PREP: variants seen among roughly 807,000 people sequenced by gnomAD.
PREP encodes the protein prolyl endopeptidase, also known as dJ355L5.1 (prolyl endopeptidase).
PREP carries 29 observed loss-of-function variants against 87.6 expected under a neutral mutation model. The observed-to-expected ratio is 0.33, with a 90% CI of 0.25 to 0.45. The LOEUF is 0.45. Ranked by LOEUF, PREP falls within the 20% of genes least tolerant of loss-of-function variation. The probability of loss-of-function intolerance (pLI) is 1.00; values close to 1 mark genes in which losing one functional copy is unlikely to be tolerated. For missense variants in PREP, 695 were observed against 886.5 expected, an observed-to-expected ratio of 0.78 and a Z score of 2.74; for synonymous variants, 337 against 328.6, an observed-to-expected ratio of 1.03 and a Z score of -0.28.
chr6:105,320,953 A>G (rs937742499), intron 10 of PREP, among the ~76,000 whole-genome samples: 9 of 152,200 alleles, frequency 5.9e-5, no homozygotes, highest in Non-Finnish European at 1.0e-4. Flanking sequence ...AAATGTGAGA[A>G]CATCTGTCAC....
intron 1 of PREP, among the ~76,000 whole-genome samples, chr6:105,402,545 C>A (rs559358603): frequency 1.3e-5 from 2 of 152,214 alleles, no homozygotes; most frequent in African/African-American, 4.8e-5. Flanking sequence ...TCTGTCTTCC[C>A]ACTCCCTGAA....
chr6:105,339,407 G>A (rs1050819311), intron 7 of PREP, among the ~76,000 whole-genome samples: 1 of 150,444 alleles, frequency 6.6e-6, no homozygotes, highest in African/African-American at 2.4e-5. Context: ...ACAAAAGGTA[G>A]ATAAAACCAC....
At position 105,281,748 on chromosome 6, in the gene PREP, G is replaced by T; in HGVS notation, c.1836C>A (p.Val612=). ...TATATATGTCAATAAAACCTTACTT[G>T]ACAAGCCATTCAAAGTGTTGTTTGC... The part of the protein sequence containing the change: ...SDSKQHFEWL[V]KYSPLHNVKL... Residue 612 remains valine, a splice_region_variant and synonymous_variant, in exon 14 of 15, where the codon GTC becomes GTA. Transcript: ENST00000652536. 1.2e-6 allele frequency: 2 copies of T among 1,612,862 alleles called. No individual in the cohort carries two copies. The highest frequency in any genetic ancestry group is 2.2e-5 in the South Asian group (2 of 90,642).
intron 10 of PREP, among the ~76,000 whole-genome samples, chr6:105,315,127 C>T (rs1770833318): frequency 2.0e-5 from 3 of 152,174 alleles, no homozygotes; most frequent in South Asian, 4.1e-4. Flanking sequence ...CTAGAGCACA[C>T]GCAGAGTGAA....
At position 105,278,136 on chromosome 6, in the gene PREP, A is replaced by T. The variant is rs1238775191; in HGVS notation, c.*8T>A. The T allele has an allele frequency of 6.2e-7, 1 of 1,600,690 alleles. No individual in the cohort carries two copies. The highest frequency in any genetic ancestry group is 1.7e-5 in the Admixed American group (1 of 59,796). Reference sequence around the variant, plus strand: ...TCTGTCGCTGTCAGGAGGAAGCACGAAAACTGTTTATGGAATCCAGTCGAC... The same window carrying T: ...TCTGTCGCTGTCAGGAGGAAGCACGTAAACTGTTTATGGAATCCAGTCGAC... On this transcript the variant is annotated 3_prime_UTR_variant, in exon 15 of 15. Transcript: ENST00000652536. The surrounding 1 kb of genome is among the most constrained non-coding windows in gnomAD (Gnocchi z 4.2).
intron 10 of PREP, among the ~76,000 whole-genome samples, chr6:105,306,771 C>CT (rs1413661686): frequency 6.6e-6 from 1 of 151,976 alleles, no homozygotes; most frequent in African/African-American, 2.4e-5. Context: ...CCACCACCCC[C>CT]TTCACAACTT....
Position 105,276,003 on chromosome 6 carries a change from G to A in PREP, c.*2141C>T, listed in dbSNP as rs1769923659. ...ATAATCTACTGTGCATTTCAAAATA[G>A]CTAGAAGAGAGTAATCATAAGAAAG... On this transcript the variant is annotated 3_prime_UTR_variant, in exon 15 of 15. Transcript: ENST00000652536. 6.6e-6 allele frequency among the ~76,000 whole-genome samples: 1 copy of A among 152,204 alleles called. No individual in the cohort carries two copies. Among genetic ancestry groups the A allele is most frequent in the African/African-American group, 2.4e-5 (1 of 41,436 alleles).
At chr6:105,328,185 T>C (rs925112380) in intron 9 of PREP, among the ~76,000 whole-genome samples, 10 of 152,312 alleles carry the variant, frequency 6.6e-5, no homozygotes, top group Admixed American at 6.5e-4. Context: ...AGCTAAAGAT[T>C]TTACATTTTG....
chr6:105,303,586 G>A lies in PREP; in HGVS notation c.1318-14692C>T, dbSNP rs187427702. Reference sequence around the variant, plus strand: ...CCTCCTCCTCCCTCCCCTATCCAATGCAGACACCCACAAAGCTACATCTCA... The same window carrying A: ...CCTCCTCCTCCCTCCCCTATCCAATACAGACACCCACAAAGCTACATCTCA... On this transcript the variant is annotated intron_variant, in intron 10 of 14. Coordinates refer to ENST00000652536, the MANE Select transcript of PREP (RefSeq NM_002726.5). Among the ~76,000 whole-genome samples, 184 of 151,834 alleles carry A rather than the reference G, an allele frequency of 1.2e-3. 1 individual carries two copies. The highest frequency in any genetic ancestry group is 4.3e-3 in the African/African-American group (180 of 41,392).
rs1029295306 is a variant in PREP, at chr6:105,373,539, C to A, written c.425G>T (p.Gly142Val). The A allele has an allele frequency of 6.2e-7, 1 of 1,614,194 alleles. No homozygotes were observed. The change falls in exon 5 of 15, where the codon GGT becomes GTT. Residue 142 changes from glycine (G) to valine (V), a missense_variant. Physicochemically the swap from Gly to Val is moderately radical, Grantham distance 109 (BLOSUM62 -3). This residue lies in a region of PREP where 517 missense variants were observed against 620.3 expected (regional missense o/e 0.83). Transcript: ENST00000652536. ...CCAGTCTGAGCCACTGGCACTCAGA[C>A]CATAGGCAAAATATTCACCATCTTC... ...FSEDGEYFAY[G>V]LSASGSDWVT... is the part of the protein sequence containing the mutation.
At chr6:105,330,884 G>A (rs919922072) in intron 8 of PREP, among the ~76,000 whole-genome samples, 3 of 152,182 alleles carry the variant, frequency 2.0e-5, no homozygotes, top group Non-Finnish European at 4.4e-5. Flanking sequence ...ACAGCCAAAA[G>A]TAATTTGCTC....
intron 10 of PREP, among the ~76,000 whole-genome samples, chr6:105,312,500 C>T (rs1770777844): frequency 6.6e-6 from 1 of 152,200 alleles, no homozygotes; most frequent in African/African-American, 2.4e-5. Context: ...TCAATTTCTG[C>T]ATGAAGACCC....
chr6:105,310,377 C>T (rs1238499686), intron 10 of PREP, among the ~76,000 whole-genome samples: 1 of 152,134 alleles, frequency 6.6e-6, no homozygotes, highest in African/African-American at 2.4e-5. Context: ...CGTCTATCTC[C>T]TCCTCTCTTG....
chr6:105,323,677 G>A lies in PREP; in HGVS notation c.1305C>T (p.Tyr435=). The part of the protein sequence containing the change: ...VTVKGIDASD[Y]QTVQIFYPSK... ...ATATTCTCCATACCTGGACTGTCTG[G>A]TAATCAGAAGCATCAATTCCTTTTA... is the stretch of plus-strand genomic sequence containing the variant. The change falls in exon 10 of 15, where the codon TAC becomes TAT. Residue 435 remains tyrosine (Y), a synonymous_variant. Coordinates refer to ENST00000652536, the MANE Select transcript of PREP (RefSeq NM_002726.5). 7 of 1,609,864 alleles carry A rather than the reference G, an allele frequency of 4.3e-6. No homozygotes were observed. The highest frequency in any genetic ancestry group is 6.0e-6 in the Non-Finnish European group (7 of 1,176,130).
At chr6:105,385,002 A>G (rs1408735631) in intron 2 of PREP, among the ~76,000 whole-genome samples, 1 of 152,166 alleles carries the variant, frequency 6.6e-6, no homozygotes, top group Non-Finnish European at 1.5e-5. Flanking sequence ...TTCAGGTACC[A>G]GTAATAAAGT....
At chr6:105,342,931 T>C (rs1337549053) in intron 7 of PREP, among the ~76,000 whole-genome samples, 7 of 151,070 alleles carry the variant, frequency 4.6e-5, no homozygotes, top group Admixed American at 3.3e-4. Context: ...GAATCAATAT[T>C]GTGAAAATGG....
chr6:105,328,000 C>T (rs1471410879), intron 9 of PREP, among the ~76,000 whole-genome samples: 1 of 152,076 alleles, frequency 6.6e-6, no homozygotes, highest in Non-Finnish European at 1.5e-5. Flanking sequence ...AAAATTAACC[C>T]GTACCATGAA....
intron 6 of PREP, among the ~76,000 whole-genome samples, chr6:105,360,580 C>A (rs1367962364): frequency 6.6e-6 from 1 of 152,062 alleles, no homozygotes. Context: ...CTAAGGAAGT[C>A]CAAGAAAACT....
intron 2 of PREP, among the ~76,000 whole-genome samples, chr6:105,385,542 G>C (rs1474334461): frequency 1.3e-5 from 2 of 152,082 alleles, no homozygotes; most frequent in Non-Finnish European, 2.9e-5. Flanking sequence ...ACTGAACAGA[G>C]CAATGACTGT....
Sources: gnomAD v4.1 joint callset for allele counts (sites outside exome capture counted in the v4.1 genomes callset) on GRCh38, gnomAD v4.1.1 for gene constraint, gnomAD v4.1.1 regional missense constraint, Gnocchi (gnomAD v3.1) non-coding constraint, MANE v1.5 for transcripts, NCBI Gene and HGNC (gene_info 2026-07-23, HGNC 2026-07-21) for gene names.